Variants in ILRUN observed in about 807,000 individuals in gnomAD.
The protein encoded by ILRUN is inflammation and lipid regulator with UBA-like and NBR1-like domains.
ILRUN carries 3 observed loss-of-function variants against 33.8 expected under a neutral mutation model. That is an observed-to-expected ratio of 0.09 (90% CI 0.04 to 0.23). The LOEUF is 0.23. Ranked by LOEUF, ILRUN falls within the 10% of genes least tolerant of loss-of-function variation. The pLI, the probability that ILRUN is intolerant of heterozygous loss-of-function variation, is 1.00. For synonymous variants in ILRUN, 124 were observed against 138.9 expected, an observed-to-expected ratio of 0.89 and a Z score of 0.75; for missense variants, 210 against 375.1, an observed-to-expected ratio of 0.56 and a Z score of 3.64.
intron 3 of ILRUN, among the ~76,000 whole-genome samples, chr6:34,635,158 A>T (rs1762331948): frequency 6.6e-6 from 1 of 152,158 alleles, no homozygotes; most frequent in Non-Finnish European, 1.5e-5. Flanking sequence ...AATGACTGAA[A>T]TCTACTGAGC....
At chr6:34,662,305 C>CAAAAAAAAAAAAAAAAAA (rs528133769) in intron 1 of ILRUN, among the ~76,000 whole-genome samples, 1 of 75,188 alleles carries the variant, frequency 1.3e-5, no homozygotes, top group Non-Finnish European at 2.7e-5. Flanking sequence ...GACTCCGTCT[C>CAAAAAAAAAAAAAAAAAA]AAAAAAAAAA....
At chr6:34,641,456 G>A (rs1762474251) in intron 3 of ILRUN, among the ~76,000 whole-genome samples, 1 of 152,110 alleles carries the variant, frequency 6.6e-6, no homozygotes, top group Non-Finnish European at 1.5e-5. Flanking sequence ...CTGTTCACTG[G>A]AGCAGATAAA....
chr6:34,683,490 A>ATACG (rs1763442758), intron 1 of ILRUN, among the ~76,000 whole-genome samples: 2 of 86,896 alleles, frequency 2.3e-5, no homozygotes, highest in African/African-American at 1.4e-4. Context: ...ATATATACAT[A>ATACG]TATATATACA....
intron 4 of ILRUN, among the ~76,000 whole-genome samples, chr6:34,602,481 C>T (rs1433991706): frequency 6.6e-6 from 1 of 152,222 alleles, no homozygotes; most frequent in Admixed American, 6.5e-5. Flanking sequence ...CAAACAGAAG[C>T]TACTCTGGCC....
Position 34,696,750 on chromosome 6 carries a change from T to C in ILRUN, c.-147A>G, listed in dbSNP as rs574119669. On this transcript the variant is annotated 5_prime_UTR_variant, in exon 1 of 5. An upstream start codon of the reference 5' UTR is lost. Transcript: ENST00000374023. ...AGGCCCCGGGCCTCTCACAGTCTCATAGGGGTAAACTCACTCTGCCACTCA... is the reference window on the plus strand; with the variant it reads ...AGGCCCCGGGCCTCTCACAGTCTCACAGGGGTAAACTCACTCTGCCACTCA... The C allele has an allele frequency of 2.0e-5, 13 of 650,824 alleles. No individual in the cohort carries two copies. The highest frequency in any genetic ancestry group is 7.7e-5 in the South Asian group (4 of 51,640). The allele number at this position is 650,824 out of a possible 1,614,324, so 40.3% of individuals were successfully genotyped here.
At chr6:34,662,966 C>T (rs1007359453) in intron 1 of ILRUN, among the ~76,000 whole-genome samples, 1 of 152,052 alleles carries the variant, frequency 6.6e-6, no homozygotes, top group Admixed American at 6.6e-5. Flanking sequence ...GGGTGGTGTG[C>T]ACCTATAGTC....
intron 2 of ILRUN, 121 bp downstream of exon 2, chr6:34,654,504 T>G (rs1024686462): frequency 1.0e-6 from 1 of 953,324 alleles, no homozygotes. Context: ...ATACTACATA[T>G]CATGTGTAAG....
intron 1 of ILRUN, among the ~76,000 whole-genome samples, chr6:34,660,769 A>C (rs780325784): frequency 3.3e-5 from 5 of 152,254 alleles, no homozygotes; most frequent in Non-Finnish European, 5.9e-5. Flanking sequence ...AAGAGGGGCC[A>C]AACATTACAT....
chr6:34,665,563 G>C (rs984521735), intron 1 of ILRUN, among the ~76,000 whole-genome samples: 1 of 152,046 alleles, frequency 6.6e-6, no homozygotes, highest in Non-Finnish European at 1.5e-5. Flanking sequence ...TGGGATTATA[G>C]TAGGCGTGAG....
At chr6:34,628,845 G>A (rs1762192140) in intron 3 of ILRUN, among the ~76,000 whole-genome samples, 1 of 151,602 alleles carries the variant, frequency 6.6e-6, no homozygotes, top group South Asian at 2.1e-4. Context: ...GCTGGGTGTG[G>A]TGGCTCACAC....
intron 3 of ILRUN, 56 bp from the exon 4 acceptor site, chr6:34,606,960 T>C (rs1265091285): frequency 4.5e-5 from 60 of 1,337,834 alleles, no homozygotes; most frequent in Non-Finnish European, 6.0e-5. Context: ...AGGCCCAAGA[T>C]AGCCACCACC....
At position 34,588,043 on chromosome 6, in the gene ILRUN, G is replaced by T. The variant is rs1248153248; in HGVS notation, c.*2522C>A. 1 of 398,618 alleles carries T rather than the reference G, an allele frequency of 2.5e-6. No homozygotes were observed. The highest frequency in any genetic ancestry group is 4.4e-6 in the Non-Finnish European group (1 of 226,186). 24.7% of individuals were successfully genotyped at this position (398,618 alleles called of 1,614,324 possible). On this transcript the variant is annotated 3_prime_UTR_variant, in exon 5 of 5. Coordinates refer to ENST00000374023, the MANE Select transcript of ILRUN (RefSeq NM_024294.4). ...CCCCACTAGGCAGGGGAGCAGAGAG[G>T]GGCCCTAGGCATTGCTCTGAACCCA...
intron 3 of ILRUN, among the ~76,000 whole-genome samples, chr6:34,629,114 T>G (rs1243020615): frequency 1.3e-5 from 2 of 152,116 alleles, no homozygotes; most frequent in Non-Finnish European, 2.9e-5. Context: ...AAAAAGAATA[T>G]AAAAAGAGAA....
chr6:34,672,142 G>A (rs1434987776), intron 1 of ILRUN, among the ~76,000 whole-genome samples: 5 of 151,122 alleles, frequency 3.3e-5, no homozygotes, highest in African/African-American at 9.8e-5. Context: ...TCGCTCTGTC[G>A]TTCAGGCTGG....
At chr6:34,593,707 C>A (rs1301532972) in intron 4 of ILRUN, among the ~76,000 whole-genome samples, 2 of 152,106 alleles carry the variant, frequency 1.3e-5, no homozygotes, top group Non-Finnish European at 2.9e-5. Context: ...GATGAACAAG[C>A]TCTATTTTTC....
At chr6:34,603,496 G>A (rs904431560) in intron 4 of ILRUN, among the ~76,000 whole-genome samples, 3 of 151,934 alleles carry the variant, frequency 2.0e-5, no homozygotes, top group South Asian at 2.1e-4. Flanking sequence ...TTGGCCGGGC[G>A]TAGTGGCGGG....
At chr6:34,616,525 T>G (rs766082036) in intron 3 of ILRUN, 1 of 1,074,530 alleles carries the variant, frequency 9.3e-7, no homozygotes, top group Non-Finnish European at 1.4e-6. Flanking sequence ...TATGCTCTTT[T>G]CAGGCTGGAA....
intron 2 of ILRUN, among the ~76,000 whole-genome samples, chr6:34,648,635 A>G (rs1762603422): frequency 6.6e-6 from 1 of 152,172 alleles, no homozygotes; most frequent in South Asian, 2.1e-4. Context: ...GCAAAAGCCT[A>G]TTTGTCTTAC....
intron 1 of ILRUN, among the ~76,000 whole-genome samples, chr6:34,668,833 C>A (rs1332173578): frequency 6.7e-6 from 1 of 150,232 alleles, no homozygotes. Flanking sequence ...AAAATTAATG[C>A]CTGGCTAATT....
Sources: gnomAD v4.1 joint callset for allele counts (sites outside exome capture counted in the v4.1 genomes callset) on GRCh38, gnomAD v4.1.1 for gene constraint, MANE v1.5 for transcripts, NCBI Gene and HGNC (gene_info 2026-07-23, HGNC 2026-07-21) for gene names.